The following DLG2 variants were observed in gnomAD, a reference collection of about 807,000 sequenced individuals.
DLG2 encodes the protein discs large MAGUK scaffold protein 2, also known as disks large homolog 2.
A neutral mutation model predicts 132.5 loss-of-function variants in DLG2; 45 were observed. That is an observed-to-expected ratio of 0.34 (90% CI 0.27 to 0.44). The LOEUF (loss-of-function observed/expected upper bound fraction) is 0.44. Among genes scored for constraint, DLG2 ranks in the 20% least tolerant of loss-of-function variants. The pLI is 1.00. For synonymous variants in DLG2, 424 were observed against 419.6 expected, an observed-to-expected ratio of 1.01 and a Z score of -0.13; for missense variants, 1,045 against 1,196.9, an observed-to-expected ratio of 0.87 and a Z score of 1.87.
chr11:84,523,829 C>T lies in DLG2; in HGVS notation c.519+10741G>A, dbSNP rs1293919331. Among the ~76,000 whole-genome samples the T allele has an allele frequency of 2.6e-5, 4 of 152,154 alleles. No homozygotes were observed. The South Asian group carries it at 8.3e-4, about 32-fold the overall frequency. On this transcript the variant is annotated intron_variant, in intron 7 of 27. Transcript: ENST00000376104. Reference sequence around the variant, plus strand: ...ACATATAATCACTATTAACACTTATCTAGAATTTTCTATAAACACTTATTT... The same window carrying T: ...ACATATAATCACTATTAACACTTATTTAGAATTTTCTATAAACACTTATTT...
intron 4 of DLG2, among the ~76,000 whole-genome samples, chr11:85,267,573 A>C (rs913008382): frequency 3.9e-5 from 6 of 152,312 alleles, no homozygotes; most frequent in African/African-American, 1.2e-4. Flanking sequence ...AAATAATCTG[A>C]CACAGTAACA....
chr11:83,711,531 A>T (rs918727087), intron 18 of DLG2, among the ~76,000 whole-genome samples: 5 of 152,140 alleles, frequency 3.3e-5, no homozygotes, highest in African/African-American at 1.2e-4. Context: ...GGTGAGTTTT[A>T]TATTTATTCT....
chr11:84,001,092 TTAA>T (rs987667990), intron 11 of DLG2, among the ~76,000 whole-genome samples: 3 of 152,188 alleles, frequency 2.0e-5, no homozygotes, highest in East Asian at 1.9e-4. Flanking sequence ...ACCTCATATA[TTAA>T]TATTAACCTT....
intron 6 of DLG2, among the ~76,000 whole-genome samples, chr11:84,968,233 C>T (rs1282634121): frequency 2.0e-5 from 3 of 152,022 alleles, no homozygotes; most frequent in Non-Finnish European, 4.4e-5. Context: ...TAACATCTAA[C>T]ATATATAATA....
Position 83,826,316 on chromosome 11 carries a change from T to C in DLG2, c.1722+7298A>G, listed in dbSNP as rs183288938. The stretch of plus-strand genomic sequence containing the variant: ...GCTAGTGGGGCTCTGAAGCCAAGGC[T>C]GAGCAAGAGTGACTCCCCTGGAGCC... On this transcript the variant is annotated intron_variant, in intron 17 of 27. Coordinates refer to ENST00000376104, the MANE Select transcript of DLG2 (RefSeq NM_001142699.3). 1.1e-3 allele frequency among the ~76,000 whole-genome samples: 167 copies of C among 152,316 alleles called. 1 individual carries two copies. The highest frequency in any genetic ancestry group is 3.9e-3 in the African/African-American group (162 of 41,556).
In DLG2 at chr11:84,529,136, T is replaced by A. The variant is rs549472962; in HGVS notation, c.519+5434A>T. Among the ~76,000 whole-genome samples, 21 of 152,240 alleles carry A rather than the reference T, an allele frequency of 1.4e-4. No individual in the cohort carries two copies. The South Asian group carries it at 3.1e-3, about 23-fold the overall frequency. ...TGTTGAAGGAGAGATACACAGAGTGTCTTTACTAAGACAATCTAAAAGCAT... is the reference window on the plus strand; with the variant it reads ...TGTTGAAGGAGAGATACACAGAGTGACTTTACTAAGACAATCTAAAAGCAT... On this transcript the variant is annotated intron_variant, in intron 7 of 27. Transcript: ENST00000376104.
At chr11:84,217,933 C>T (rs1042153734) in intron 8 of DLG2, among the ~76,000 whole-genome samples, 28 of 152,058 alleles carry the variant, frequency 1.8e-4, no homozygotes, top group Non-Finnish European at 3.1e-4. Context: ...TTTAGGAGGC[C>T]AAGGTGGGCA....
In DLG2 at chr11:85,369,327, G is replaced by T. The variant is rs574451004; in HGVS notation, c.41-83962C>A. On this transcript the variant is annotated intron_variant, in intron 3 of 27. Transcript: ENST00000376104. ...GCCTTCCCTTTCCCCCCGCCAAGAG[G>T]TTCAGCTTTTTCTGACAGTAATTAA... Among the ~76,000 whole-genome samples the T allele has an allele frequency of 8.5e-5, 13 of 152,176 alleles. No homozygotes were observed. In the East Asian group the frequency reaches 2.5e-3, roughly 29 times the overall value.
intron 19 of DLG2, among the ~76,000 whole-genome samples, chr11:83,543,441 T>TGC (rs1365141907): frequency 1.3e-5 from 2 of 152,200 alleles, no homozygotes; most frequent in Non-Finnish European, 2.9e-5. Flanking sequence ...GCATTAAGCC[T>TGC]ATAGTATGTG....
rs149529664 is a variant in DLG2 at position 84,903,663 on chromosome 11, G to A, written c.357+207998C>T. ...CAGGTAAAGCTAGAGTCAAGTTGCT[G>A]AATATAGTTTCCCTCAACTACAAAA... On this transcript the variant is annotated intron_variant, in intron 6 of 27. Transcript: ENST00000376104. 2.6e-5 allele frequency among the ~76,000 whole-genome samples: 4 copies of A among 152,212 alleles called. No homozygotes were observed. In the East Asian group the frequency reaches 7.7e-4, roughly 29 times the overall value.
intron 21 of DLG2, among the ~76,000 whole-genome samples, chr11:83,496,129 TA>T (rs1441591651): frequency 1.3e-5 from 2 of 150,344 alleles, no homozygotes; most frequent in Non-Finnish European, 3.0e-5. Flanking sequence ...AATTGAAAAA[TA>T]AATAGAAAAA....
chr11:84,353,937 G>A (rs909927644), intron 7 of DLG2, among the ~76,000 whole-genome samples: 4 of 152,078 alleles, frequency 2.6e-5, no homozygotes, highest in Non-Finnish European at 5.9e-5. Context: ...GCTGATATAA[G>A]ATCCCCCCAC....
intron 6 of DLG2, among the ~76,000 whole-genome samples, chr11:84,846,564 C>A (rs1317947176): frequency 6.6e-6 from 1 of 152,136 alleles, no homozygotes; most frequent in Non-Finnish European, 1.5e-5. Context: ...ACCCTCCAAT[C>A]CATTCTCTCC....
chr11:83,650,249 G>A (rs1206586869), intron 18 of DLG2, among the ~76,000 whole-genome samples: 1 of 152,210 alleles, frequency 6.6e-6, no homozygotes, highest in Non-Finnish European at 1.5e-5. Flanking sequence ...AGGGTTTTGA[G>A]ATGGGGAGAT....
intron 3 of DLG2, among the ~76,000 whole-genome samples, chr11:85,379,068 T>G (rs551092382): frequency 1.3e-5 from 2 of 152,318 alleles, no homozygotes; most frequent in East Asian, 3.9e-4. Context: ...AGCAAATCAT[T>G]GAAATATTTC....
chr11:84,709,670 T>G (rs1314668038), intron 6 of DLG2, among the ~76,000 whole-genome samples: 2 of 151,860 alleles, frequency 1.3e-5, no homozygotes, highest in Non-Finnish European at 2.9e-5. Flanking sequence ...ACAGAGTATC[T>G]TTGCTTGGTA....
chr11:84,037,587 C>T (rs1221107512), intron 11 of DLG2, among the ~76,000 whole-genome samples: 5 of 152,080 alleles, frequency 3.3e-5, no homozygotes, highest in African/African-American at 9.7e-5. Flanking sequence ...AATAATATAT[C>T]ATGGACAATG....
intron 6 of DLG2, among the ~76,000 whole-genome samples, chr11:84,662,957 C>A (rs185416102): frequency 9.9e-5 from 15 of 151,908 alleles, no homozygotes; most frequent in Non-Finnish European, 2.2e-4. Flanking sequence ...TATAATTAAG[C>A]CCTGAGAGGA....
In DLG2 at chr11:83,456,891, G is replaced by C. The variant is rs1019318833; in HGVS notation, c.*2927C>G. ...CAAGAATTTGGGGCTGGGAAAAAAG[G>C]CCTGCAAATAAATAGCCAAGAAATC... On this transcript the variant is annotated 3_prime_UTR_variant, in exon 28 of 28. Coordinates refer to ENST00000376104, the MANE Select transcript of DLG2 (RefSeq NM_001142699.3). The C allele has an allele frequency of 6.6e-6, 1 of 152,526 alleles. No homozygotes were observed. The highest frequency in any genetic ancestry group is 2.4e-5 in the African/African-American group (1 of 41,438). 9.4% of individuals were successfully genotyped at this position (152,526 alleles called of 1,614,324 possible).
Sources: gnomAD v4.1 joint callset for allele counts (sites outside exome capture counted in the v4.1 genomes callset) on GRCh38, gnomAD v4.1.1 for gene constraint, MANE v1.5 for transcripts, NCBI Gene and HGNC (gene_info 2026-07-23, HGNC 2026-07-21) for gene names.